BIRC6: variants seen among roughly 807,000 people sequenced by gnomAD.
The protein encoded by BIRC6 is baculoviral IAP repeat containing 6.
A neutral mutation model predicts 503.3 loss-of-function variants in BIRC6; 98 were observed. The observed-to-expected ratio is 0.19, with a 90% CI of 0.17 to 0.23. The LOEUF (loss-of-function observed/expected upper bound fraction) is 0.23. BIRC6 is among the 10% of genes least tolerant of loss of function. BIRC6 has a pLI of 1.00. For missense variants in BIRC6, 5,360 were observed against 5,806.0 expected, an observed-to-expected ratio of 0.92 and a Z score of 2.50; for synonymous variants, 2,240 against 2,078.7, an observed-to-expected ratio of 1.08 and a Z score of -2.11.
intron 54 of BIRC6, among the ~76,000 whole-genome samples, chr2:32,513,430 A>G (rs1411389904): frequency 6.6e-6 from 1 of 152,100 alleles, no homozygotes; most frequent in Non-Finnish European, 1.5e-5. Flanking sequence ...TCAGTTGCAA[A>G]TTTTCCCACC....
chr2:32,418,949 A>G (rs896258134), intron 10 of BIRC6, among the ~76,000 whole-genome samples: 4 of 152,200 alleles, frequency 2.6e-5, no homozygotes, highest in African/African-American at 9.7e-5. Flanking sequence ...TTCCATCTCA[A>G]ACAAAACAAA....
intron 23 of BIRC6, among the ~76,000 whole-genome samples, chr2:32,459,322 G>A (rs371034070): frequency 1.3e-5 from 2 of 152,190 alleles, no homozygotes; most frequent in African/African-American, 4.8e-5. Context: ...ATTCATCTAC[G>A]GGTAAAGATT....
At chr2:32,488,740 T>A in intron 42 of BIRC6, 26 bp downstream of exon 42, 1 of 1,333,934 alleles carries the variant, frequency 7.5e-7, no homozygotes, top group Non-Finnish European at 1.0e-6. Context: ...AGAAAAACAT[T>A]ATAGTCTAAA....
At position 32,562,164 on chromosome 2, in the gene BIRC6, T is replaced by A. The variant is rs527759431; in HGVS notation, c.13144+12683T>A. 1.6e-4 allele frequency among the ~76,000 whole-genome samples: 24 copies of A among 152,322 alleles called. 1 individual carries two copies. Among genetic ancestry groups the A allele is most frequent in the African/African-American group, 5.3e-4 (22 of 41,584 alleles). On this transcript the variant is annotated intron_variant, in intron 65 of 73. Coordinates refer to ENST00000421745, the MANE Select transcript of BIRC6 (RefSeq NM_016252.4). ...TCTTCCTTATTGAACTTTAGCATGC[T>A]AGACTGTCTTCATTATTCATGTATG...
intron 61 of BIRC6, among the ~76,000 whole-genome samples, chr2:32,534,458 C>T (rs1296773467): frequency 2.0e-5 from 3 of 149,994 alleles, no homozygotes; most frequent in South Asian, 4.2e-4. Flanking sequence ...CGGCTTGGCG[C>T]GGCAGCTAAT....
chr2:32,501,390 G>T (rs13004891), intron 46 of BIRC6, among the ~76,000 whole-genome samples: 6,328 of 152,234 alleles, frequency 0.042, 209 homozygotes, highest in Non-Finnish European at 0.066. Flanking sequence ...TAGAGGTATT[G>T]TCATGTAAGA....
intron 1 of BIRC6, among the ~76,000 whole-genome samples, chr2:32,364,947 C>T (rs1008661296): frequency 5.9e-5 from 9 of 152,060 alleles, no homozygotes; most frequent in African/African-American, 9.7e-5. Flanking sequence ...TGGCTAACTT[C>T]GGTACATGCG....
chr2:32,614,743 A>T (rs1246369916), intron 73 of BIRC6, among the ~76,000 whole-genome samples: 1 of 152,202 alleles, frequency 6.6e-6, no homozygotes, highest in African/African-American at 2.4e-5. Context: ...GAGGCAGGAA[A>T]ATCGCCTGAA....
At chr2:32,457,467 T>G (rs1195197744) in intron 23 of BIRC6, among the ~76,000 whole-genome samples, 3 of 152,156 alleles carry the variant, frequency 2.0e-5, no homozygotes, top group Admixed American at 2.0e-4. Flanking sequence ...TCCATTTTTT[T>G]CTTGAACCGT....
At chr2:32,414,169 C>T (rs1354448929) in intron 9 of BIRC6, among the ~76,000 whole-genome samples, 2 of 151,826 alleles carry the variant, frequency 1.3e-5, no homozygotes, top group Non-Finnish European at 2.9e-5. Flanking sequence ...CACAGCTATT[C>T]TTGCGGCTGA....
chr2:32,413,713 A>C (rs1259886966), intron 9 of BIRC6, among the ~76,000 whole-genome samples: 5 of 151,724 alleles, frequency 3.3e-5, no homozygotes, highest in African/African-American at 7.3e-5. Context: ...AAAAAAAAAA[A>C]AGAAAAAAAA....
chr2:32,459,779 A>G lies in BIRC6; in HGVS notation c.4754-3415A>G, dbSNP rs189134403. Among the ~76,000 whole-genome samples the G allele has an allele frequency of 9.9e-5, 15 of 151,340 alleles. No homozygotes were observed. In the East Asian group the frequency reaches 2.7e-3, roughly 27 times the overall value. On this transcript the variant is annotated intron_variant, in intron 23 of 73. Coordinates refer to ENST00000421745, the MANE Select transcript of BIRC6 (RefSeq NM_016252.4). ...GCTTTGTGGTTTTCAACATAGTTTT[A>G]CATTTTTTTTTTTAGATTCTTAGTT... is the stretch of plus-strand genomic sequence containing the variant.
At position 32,468,732 on chromosome 2, in the gene BIRC6, A is replaced by G. The variant is rs767076202; in HGVS notation, c.6076A>G (p.Ile2026Val). 3 of 1,612,942 alleles carry G rather than the reference A, an allele frequency of 1.9e-6. No individual in the cohort carries two copies. The highest frequency in any genetic ancestry group is 2.2e-5 in the South Asian group (2 of 90,956). Residue 2026 changes from isoleucine to valine, a missense_variant, in exon 29 of 74, where the codon ATC (isoleucine) becomes GTC (valine). Ile to Val is a conservative substitution (Grantham distance 29). Transcript: ENST00000421745. Reference sequence around the variant, plus strand: ...ATCTTCCACAGAGCAGTTACGTACTATCATCAGATATTTACTGGACACTTT... The same window carrying G: ...ATCTTCCACAGAGCAGTTACGTACTGTCATCAGATATTTACTGGACACTTT... ...QTSSTEQLRTIIRYLLDTLLS... is the reference protein window; with the variant it reads ...QTSSTEQLRTVIRYLLDTLLS...
rs747183700 is a variant in BIRC6 at position 32,490,138 on chromosome 2, C to T, written c.8193C>T (p.Asn2731=). 1.3e-4 allele frequency: 202 copies of T among 1,603,584 alleles called. No individual in the cohort carries two copies. The highest frequency in any genetic ancestry group is 1.7e-4 in the Non-Finnish European group (194 of 1,170,580). ...TTCATAGCCTAACACTCATGACAAA[C>T]ATGCAGCTTAATTGTAAGTTCATAA... ...LVLHSLTLMT[N]MQLNSGSSSA... Residue 2731 remains asparagine (N), a synonymous_variant, in exon 43 of 74, where the codon AAC becomes AAT. Transcript: ENST00000421745.
chr2:32,377,206 AAT>A (rs537038995), intron 1 of BIRC6, among the ~76,000 whole-genome samples: 30 of 133,796 alleles, frequency 2.2e-4, no homozygotes, highest in East Asian at 1.7e-3. Flanking sequence ...TTATTCCCTT[AAT>A]ATATATGTGT....
intron 57 of BIRC6, chr2:32,522,209 G>A (rs1480416868): frequency 6.6e-6 from 1 of 151,626 alleles, no homozygotes; most frequent in Non-Finnish European, 1.5e-5. Context: ...TAGTCTGTTT[G>A]TACTATTTTT....
At chr2:32,401,663 A>C (rs765988258) in intron 8 of BIRC6, 40 bp downstream of exon 8, 1 of 1,531,232 alleles carries the variant, frequency 6.5e-7, no homozygotes, top group Non-Finnish European at 8.8e-7. Context: ...TAGATGTTAC[A>C]TGTTTTCCTA....
intron 69 of BIRC6, among the ~76,000 whole-genome samples, chr2:32,599,502 T>G (rs2061906598): frequency 6.7e-6 from 1 of 148,962 alleles, no homozygotes; most frequent in African/African-American, 2.5e-5. Context: ...ACCGGGCATG[T>G]TGGCAGGCAC....
chr2:32,617,643 T>G, intron 73 of BIRC6, 82 bp from the exon 74 acceptor site: 2 of 1,392,184 alleles, frequency 1.4e-6, no homozygotes, highest in Non-Finnish European at 1.9e-6. Flanking sequence ...GCTTTGGGCT[T>G]TGTTGAAATT....
Sources: allele counts gnomAD v4.1 joint callset (sites outside exome capture counted in the v4.1 genomes callset), GRCh38; gene constraint gnomAD v4.1.1; transcripts MANE v1.5; gene names NCBI Gene and HGNC (gene_info 2026-07-23, HGNC 2026-07-21).